Variants in CACNG4 observed in about 807,000 individuals in gnomAD.
CACNG4 encodes the protein calcium voltage-gated channel auxiliary subunit gamma 4, also known as voltage-dependent calcium channel gamma-4 subunit.
Under a neutral mutation model 22.9 loss-of-function variants are expected in CACNG4, and 8 were observed. The observed-to-expected ratio is 0.35, with a 90% CI of 0.21 to 0.63. The LOEUF (loss-of-function observed/expected upper bound fraction) is 0.63, where lower values mean the gene tolerates loss of function less well. Among genes scored for constraint, CACNG4 ranks in the 30% least tolerant of loss-of-function variants. CACNG4 has a pLI of 0.72. For synonymous variants in CACNG4, 188 were observed against 191.9 expected (o/e 0.98, Z 0.17); for missense variants, 357 against 455.4 (o/e 0.78, Z 1.97).
At position 66,989,295 on chromosome 17, in the gene CACNG4, G is replaced by A. The variant is rs552338930; in HGVS notation, c.220+24164G>A. Reference sequence around the variant, plus strand: ...GATGAGGTCATACTCCATTAGAATAGGCCTTCGTTTAATAGACTGGGTTCT... The same window carrying A: ...GATGAGGTCATACTCCATTAGAATAAGCCTTCGTTTAATAGACTGGGTTCT... On this transcript the variant is annotated intron_variant, in intron 1 of 3. Transcript: ENST00000262138. 6.0e-5 allele frequency among the ~76,000 whole-genome samples: 9 copies of A among 151,254 alleles called. No homozygotes were observed. In the South Asian group the frequency reaches 1.9e-3, roughly 31 times the overall value.
chr17:67,005,849 C>T (rs1372121419), intron 1 of CACNG4, among the ~76,000 whole-genome samples: 1 of 152,144 alleles, frequency 6.6e-6, no homozygotes, highest in East Asian at 1.9e-4. Context: ...ACAGATGAGC[C>T]GACAGAAGGA....
chr17:67,012,560 C>T (rs2035474444), intron 1 of CACNG4, among the ~76,000 whole-genome samples: 2 of 152,134 alleles, frequency 1.3e-5, no homozygotes, highest in Admixed American at 1.3e-4. Flanking sequence ...TCAGAACTGC[C>T]CACCAAGGGA....
Position 66,984,623 on chromosome 17 carries a change from A to G in CACNG4, c.220+19492A>G, listed in dbSNP as rs955022694. Among the ~76,000 whole-genome samples, 1 of 152,106 alleles carries G rather than the reference A, an allele frequency of 6.6e-6. No homozygotes were observed. Among genetic ancestry groups the G allele is most frequent in the Non-Finnish European group, 1.5e-5 (1 of 68,018 alleles). ...TTGGGAACAGGGTTTGACCTTCTGG[A>G]GGAGAAAGATACTCCTGTATCTGCA... On this transcript the variant is annotated intron_variant, in intron 1 of 3. Coordinates refer to ENST00000262138, the MANE Select transcript of CACNG4 (RefSeq NM_014405.4). This position sits in a 1 kb window ranked among gnomAD's most constrained non-coding sequence, Gnocchi z 4.0.
chr17:67,031,287 T>C lies in CACNG4; in HGVS notation c.*283T>C. 3.2e-6 allele frequency: 2 copies of C among 617,002 alleles called. No individual in the cohort carries two copies. The highest frequency in any genetic ancestry group is 3.0e-6 in the Non-Finnish European group (1 of 331,592). The allele number at this position is 617,002 out of a possible 1,614,324, so 38.2% of individuals were successfully genotyped here. ...CTCCCGGGAAGCCCCAGAGCTTTCC[T>C]GAGGCTGCCTGGCCTTGATCAACTT... On this transcript the variant is annotated 3_prime_UTR_variant, in exon 4 of 4. Transcript: ENST00000262138. The surrounding 1 kb of genome is among the most constrained non-coding windows in gnomAD (Gnocchi z 4.0).
intron 1 of CACNG4, among the ~76,000 whole-genome samples, chr17:66,987,831 G>T (rs1456463313): frequency 6.6e-6 from 1 of 152,006 alleles, no homozygotes; most frequent in Non-Finnish European, 1.5e-5. Context: ...GGGAAGCATG[G>T]TTCCTGGGAT....
intron 1 of CACNG4, among the ~76,000 whole-genome samples, chr17:67,012,335 T>C (rs1225228735): frequency 6.6e-6 from 1 of 152,180 alleles, no homozygotes; most frequent in African/African-American, 2.4e-5. Flanking sequence ...CAAAGGAGCA[T>C]TATTGCAGAG....
At position 67,030,533 on chromosome 17, in the gene CACNG4, G is replaced by A; in HGVS notation, c.513G>A (p.Arg171=). ...ACACAGGTGACCCGAGTGACAAGCG[G>A]GACGAAGACAAAAAGAACCATTACA... ...SSNTGDPSDK[R]DEDKKNHYNY... Residue 171 remains arginine (R), a synonymous_variant, in exon 4 of 4, where the codon CGG becomes CGA. Coordinates refer to ENST00000262138, the MANE Select transcript of CACNG4 (RefSeq NM_014405.4). This position sits in a 1 kb window ranked among gnomAD's most constrained non-coding sequence, Gnocchi z 6.4. 6.2e-7 allele frequency: 1 copy of A among 1,614,128 alleles called. No homozygotes were observed. Among genetic ancestry groups the A allele is most frequent in the Non-Finnish European group, 8.5e-7 (1 of 1,180,034 alleles).
intron 3 of CACNG4, among the ~76,000 whole-genome samples, chr17:67,026,059 G>A (rs954040943): frequency 1.3e-5 from 2 of 151,964 alleles, no homozygotes; most frequent in African/African-American, 2.4e-5. Context: ...TGTGTGTGGT[G>A]TATGTGTGTG....
At chr17:67,016,106 G>T (rs140425756) in intron 1 of CACNG4, among the ~76,000 whole-genome samples, 1 of 152,098 alleles carries the variant, frequency 6.6e-6, no homozygotes, top group Admixed American at 6.5e-5. Flanking sequence ...TCCAACAGCA[G>T]CAACCCCCCA....
chr17:66,980,759 C>T (rs1334154563), intron 1 of CACNG4, among the ~76,000 whole-genome samples: 1 of 151,396 alleles, frequency 6.6e-6, no homozygotes, highest in Non-Finnish European at 1.5e-5. Flanking sequence ...GCTGGAATTA[C>T]AGGCGTGCAC....
At chr17:67,002,618 T>TTCTCTCTC (rs58727233) in intron 1 of CACNG4, among the ~76,000 whole-genome samples, 117 of 145,534 alleles carry the variant, frequency 8.0e-4, no homozygotes, top group African/African-American at 1.4e-3. Flanking sequence ...ATCTCTCTCT[T>TTCTCTCTC]TCTCTCTCTC....
intron 1 of CACNG4, among the ~76,000 whole-genome samples, chr17:66,992,077 CTT>C (rs1243998654): frequency 6.6e-6 from 1 of 151,710 alleles, no homozygotes; most frequent in Non-Finnish European, 1.5e-5. Context: ...TCTCTGGACT[CTT>C]GGAGCACGGG....
At chr17:67,013,320 C>T (rs1217441664) in intron 1 of CACNG4, among the ~76,000 whole-genome samples, 3 of 152,126 alleles carry the variant, frequency 2.0e-5, no homozygotes, top group East Asian at 1.9e-4. Flanking sequence ...CATTTTCACT[C>T]GGAGTCAAAG....
chr17:67,013,933 G>C, intron 1 of CACNG4, among the ~76,000 whole-genome samples: 1 of 152,336 alleles, frequency 6.6e-6, no homozygotes, highest in Admixed American at 6.5e-5. Flanking sequence ...CACACCCCGT[G>C]CCTGTTATTT....
chr17:66,966,294 CG>C (rs1436696365), intron 1 of CACNG4, among the ~76,000 whole-genome samples: 3 of 152,306 alleles, frequency 2.0e-5, no homozygotes, highest in Admixed American at 6.5e-5. Context: ...GCGCTCAGAT[CG>C]GGGACCGGGT....
chr17:67,012,197 C>A (rs192448304), intron 1 of CACNG4, among the ~76,000 whole-genome samples: 3 of 152,312 alleles, frequency 2.0e-5, no homozygotes, highest in Admixed American at 1.3e-4. Flanking sequence ...CCCTGAGCCT[C>A]ACTTTCCTCT....
In CACNG4 at chr17:66,965,012, T is replaced by G. The variant is rs759399090; in HGVS notation, c.101T>G (p.Leu34Arg). The G allele has an allele frequency of 3.7e-6, 6 of 1,611,284 alleles. No individual in the cohort carries two copies. The highest frequency in any genetic ancestry group is 5.1e-6 in the Non-Finnish European group (6 of 1,179,280). ...ATCGCCATCGGCACCGACTACTGGC[T>G]GTACTCCAGCGCGCACATCTGCAAC... ...MAIAIGTDYWLYSSAHICNGT... is the reference protein window; with the variant it reads ...MAIAIGTDYWRYSSAHICNGT... Residue 34 changes from leucine (L) to arginine (R), a missense_variant, in exon 1 of 4, where the codon CTG (leucine) becomes CGG (arginine). Leu to Arg is a moderately radical substitution (Grantham distance 102). Coordinates refer to ENST00000262138, the MANE Select transcript of CACNG4 (RefSeq NM_014405.4).
intron 1 of CACNG4, among the ~76,000 whole-genome samples, chr17:67,009,298 C>T (rs1273231819): frequency 6.6e-6 from 1 of 152,168 alleles, no homozygotes; most frequent in African/African-American, 2.4e-5. Context: ...CCCCAGAAAA[C>T]TAATGCACCC....
At chr17:66,982,063 G>A (rs60034338) in intron 1 of CACNG4, among the ~76,000 whole-genome samples, 13,797 of 152,226 alleles carry the variant, frequency 0.091, 1,086 homozygotes, top group African/African-American at 0.22. Context: ...CAAGAATGAA[G>A]CCATGGACGT....
Sources: allele counts gnomAD v4.1 joint callset (sites outside exome capture counted in the v4.1 genomes callset), GRCh38; gene constraint gnomAD v4.1.1; non-coding constraint Gnocchi (gnomAD v3.1); transcripts MANE v1.5; gene names NCBI Gene and HGNC (gene_info 2026-07-23, HGNC 2026-07-21).